The following ANKRD12 variants were observed in gnomAD, a reference collection of about 807,000 sequenced individuals.
ANKRD12 encodes ankyrin repeat domain-containing protein 12.
In ANKRD12, 85 loss-of-function variants were observed where a neutral mutation model predicts 183.4. That is an observed-to-expected ratio of 0.46 (90% confidence interval 0.39 to 0.56). ANKRD12 has a LOEUF of 0.56. Among genes scored for constraint, ANKRD12 ranks in the 20% least tolerant of loss-of-function variants. The pLI is 0.00. For missense variants in ANKRD12, 2,405 were observed against 2,357.1 expected (o/e 1.02, Z -0.42); for synonymous variants, 914 against 800.2 (o/e 1.14, Z -2.40).
At chr18:9,221,314 A>G (rs968760662) in intron 7 of ANKRD12, among the ~76,000 whole-genome samples, 5 of 152,176 alleles carry the variant, frequency 3.3e-5, no homozygotes, top group Admixed American at 6.5e-5. Context: ...TCCTTCTGTA[A>G]AGGACCCATG....
At chr18:9,143,823 G>A (rs554149115) in intron 1 of ANKRD12, among the ~76,000 whole-genome samples, 1 of 133,690 alleles carries the variant, frequency 7.5e-6, no homozygotes, top group East Asian at 2.1e-4. Flanking sequence ...GCCCTCTTTA[G>A]TGTGTTTCTA....
chr18:9,199,627 TTATA>T (rs2035052281), intron 3 of ANKRD12, among the ~76,000 whole-genome samples: 2 of 152,216 alleles, frequency 1.3e-5, no homozygotes, highest in Non-Finnish European at 2.9e-5. Context: ...CTTAAAATGA[TTATA>T]TAAACTTTTT....
chr18:9,170,769 A>G (rs984716272), intron 1 of ANKRD12, among the ~76,000 whole-genome samples: 1 of 152,040 alleles, frequency 6.6e-6, no homozygotes, highest in Non-Finnish European at 1.5e-5. Context: ...CCTTTGGAGG[A>G]GGAGAGGCGC....
In ANKRD12 at chr18:9,282,400, T is replaced by G. The variant is rs915893001; in HGVS notation, c.*1274T>G. On this transcript the variant is annotated 3_prime_UTR_variant, in exon 13 of 13. Coordinates refer to ENST00000262126, the MANE Select transcript of ANKRD12 (RefSeq NM_015208.5). ...TTTCCTTGTATCAAGATGCAAAACA[T>G]AATTTGCAAAATTTTATAATTGAAA... The G allele has an allele frequency of 6.6e-6, 1 of 152,582 alleles. No homozygotes were observed. The highest frequency in any genetic ancestry group is 2.4e-5 in the African/African-American group (1 of 41,446). 9.5% of individuals were successfully genotyped at this position (152,582 alleles called of 1,614,324 possible). A position where few individuals can be genotyped will look rare whatever the true frequency, so the allele number is the denominator to read the frequency against.
At chr18:9,198,248 G>A (rs1328175150) in intron 3 of ANKRD12, among the ~76,000 whole-genome samples, 1 of 152,088 alleles carries the variant, frequency 6.6e-6, no homozygotes, top group Non-Finnish European at 1.5e-5. Context: ...GATCTTCTAA[G>A]TGTGAAAAGG....
intron 5 of ANKRD12, among the ~76,000 whole-genome samples, chr18:9,211,184 G>C (rs560840293): frequency 6.6e-6 from 1 of 152,186 alleles, no homozygotes; most frequent in East Asian, 1.9e-4. Context: ...GAACTCCAAT[G>C]CTTTGTCTGA....
intron 4 of ANKRD12, among the ~76,000 whole-genome samples, chr18:9,208,065 C>T (rs1436221587): frequency 1.3e-5 from 2 of 152,146 alleles, no homozygotes; most frequent in African/African-American, 4.8e-5. Context: ...TAACCCATAG[C>T]CACACAGAAT....
chr18:9,250,599 G>A lies in ANKRD12; in HGVS notation c.944-3612G>A, dbSNP rs1012751306. ...TCGGGTATGGTGGCGCACACCCGTA[G>A]TTCTAGCTACTGGGGAGGTTGAGGC... On this transcript the variant is annotated intron_variant, in intron 8 of 12. Transcript: ENST00000262126. Among the ~76,000 whole-genome samples, 3 of 152,108 alleles carry A rather than the reference G, an allele frequency of 2.0e-5. No homozygotes were observed. In the East Asian group the frequency reaches 5.8e-4, roughly 29 times the overall value.
chr18:9,238,181 T>G (rs2037456386), intron 8 of ANKRD12, among the ~76,000 whole-genome samples: 1 of 152,160 alleles, frequency 6.6e-6, no homozygotes, highest in Non-Finnish European at 1.5e-5. Context: ...CTCTTCCTTC[T>G]CAATTTCCTC....
At chr18:9,172,661 A>G (rs1350027639) in intron 1 of ANKRD12, among the ~76,000 whole-genome samples, 1 of 152,148 alleles carries the variant, frequency 6.6e-6, no homozygotes, top group Non-Finnish European at 1.5e-5. Flanking sequence ...TTGGGTTGCA[A>G]CATGCTCCTT....
intron 8 of ANKRD12, among the ~76,000 whole-genome samples, chr18:9,246,887 A>G (rs1001758038): frequency 1.3e-5 from 2 of 152,194 alleles, no homozygotes; most frequent in African/African-American, 2.4e-5. Context: ...GATCTTTTAC[A>G]TGGCAGAGCA....
intron 1 of ANKRD12, among the ~76,000 whole-genome samples, chr18:9,147,653 G>A (rs920367302): frequency 6.6e-6 from 1 of 152,128 alleles, no homozygotes; most frequent in Non-Finnish European, 1.5e-5. Flanking sequence ...TGTGACTAGA[G>A]GAGTTGAAAA....
chr18:9,226,078 T>C (rs921085350), intron 8 of ANKRD12, among the ~76,000 whole-genome samples: 7 of 152,210 alleles, frequency 4.6e-5, no homozygotes, highest in South Asian at 2.1e-4. Flanking sequence ...ATATGAGATA[T>C]ATGAGTTTTT....
chr18:9,272,064 C>T (rs988719966), intron 10 of ANKRD12, among the ~76,000 whole-genome samples: 1 of 152,136 alleles, frequency 6.6e-6, no homozygotes, highest in Non-Finnish European at 1.5e-5. Flanking sequence ...ACTCTATCAC[C>T]CAAGAAACTA....
rs771249974 is a variant in ANKRD12, at chr18:9,254,964, G to A, written c.1697G>A (p.Cys566Tyr). Residue 566 changes from cysteine to tyrosine, a missense_variant, in exon 9 of 13, where the codon TGT (cysteine) becomes TAT (tyrosine). By Grantham distance (194) the Cys-to-Tyr change is radical. Around this residue, in one of 7 missense-constraint regions of ANKRD12, gnomAD observed 1,983 missense variants for 1,725.9 expected, o/e 1.15. Coordinates refer to ENST00000262126, the MANE Select transcript of ANKRD12 (RefSeq NM_015208.5). ...CTAAAACAAGAACATACTAAAACAT[G>A]TTTATCACCAGGAAGTTCTGAAATG... is the stretch of plus-strand genomic sequence containing the variant. ...TPLKQEHTKT[C>Y]LSPGSSEMSL... 2.5e-6 allele frequency: 4 copies of A among 1,607,614 alleles called. No individual in the cohort carries two copies. The highest frequency in any genetic ancestry group is 3.4e-5 in the Admixed American group (2 of 58,692).
intron 12 of ANKRD12, 141 bp from the exon 13 acceptor site, chr18:9,280,800 A>T: frequency 2.6e-6 from 2 of 779,070 alleles, no homozygotes; most frequent in Non-Finnish European, 4.1e-6. Context: ...AAAAAAAAAG[A>T]AAGAAATGGA....
intron 3 of ANKRD12, among the ~76,000 whole-genome samples, chr18:9,196,108 AACACACAC>A (rs36156556): frequency 0.28 from 17,987 of 63,814 alleles, 2,888 homozygotes; most frequent in South Asian, 0.41. Context: ...GAAACATGCA[AACACACAC>A]ACACACACAC....
chr18:9,180,098 A>G (rs543662883), intron 1 of ANKRD12, among the ~76,000 whole-genome samples: 25 of 152,280 alleles, frequency 1.6e-4, no homozygotes, highest in African/African-American at 5.8e-4. Flanking sequence ...TATTTTGTCT[A>G]TCAGTTGGCC....
At chr18:9,201,784 T>G (rs1229532809) in intron 3 of ANKRD12, among the ~76,000 whole-genome samples, 3 of 152,050 alleles carry the variant, frequency 2.0e-5, no homozygotes, top group African/African-American at 7.2e-5. Flanking sequence ...AATTGTTTCC[T>G]CTTAGCATTA....
Sources: allele counts gnomAD v4.1 joint callset (sites outside exome capture counted in the v4.1 genomes callset), GRCh38; gene constraint gnomAD v4.1.1; regional missense constraint gnomAD v4.1.1; transcripts MANE v1.5; gene names NCBI Gene and HGNC (gene_info 2026-07-23, HGNC 2026-07-21).